COA8: variants seen among roughly 807,000 people sequenced by gnomAD.
The protein encoded by COA8 is UPF0671 protein C14orf153.
A neutral mutation model predicts 22.0 loss-of-function variants in COA8; 20 were observed. That is an observed-to-expected ratio of 0.91 (90% CI 0.64 to 1.32). COA8 has a LOEUF of 1.32. Among genes scored for constraint, COA8 ranks in the 40% most tolerant of loss-of-function variants. The probability of loss-of-function intolerance (pLI) is 0.00; values close to 1 mark genes in which losing one functional copy is unlikely to be tolerated. For synonymous variants in COA8, 105 were observed against 79.9 expected, an observed-to-expected ratio of 1.31 and a Z score of -1.68; for missense variants, 266 against 230.0, an observed-to-expected ratio of 1.16 and a Z score of -1.01.
chr14:103,574,048 T>C (rs1313358343), intron 2 of COA8, 59 bp from the exon 3 acceptor site: 3 of 1,464,290 alleles, frequency 2.0e-6, no homozygotes, highest in South Asian at 1.3e-5. Context: ...CAAAGAAAAA[T>C]GGAAAGACAG....
chr14:103,577,907 C>G (rs1451045549), intron 3 of COA8, among the ~76,000 whole-genome samples: 1 of 151,684 alleles, frequency 6.6e-6, no homozygotes, highest in Non-Finnish European at 1.5e-5. Context: ...GCCTGTAATC[C>G]CAGCTACTCA....
intron 3 of COA8, among the ~76,000 whole-genome samples, chr14:103,583,088 A>AT (rs1379708570): frequency 6.6e-6 from 1 of 151,454 alleles, no homozygotes; most frequent in South Asian, 2.1e-4. Context: ...CACTTTGGAG[A>AT]TTTTTTTAAT....
At chr14:103,576,295 G>C (rs1416362808) in intron 3 of COA8, among the ~76,000 whole-genome samples, 1 of 151,906 alleles carries the variant, frequency 6.6e-6, no homozygotes, top group South Asian at 2.1e-4. Flanking sequence ...GACAGAGCGA[G>C]ACTCTGTCTC....
At chr14:103,566,037 G>C (rs560929742) in intron 1 of COA8, among the ~76,000 whole-genome samples, 1 of 152,322 alleles carries the variant, frequency 6.6e-6, no homozygotes, top group African/African-American at 2.4e-5. Flanking sequence ...ATTTGAACCT[G>C]AGTTTTCATA....
chr14:103,566,984 C>G (rs746422636), intron 1 of COA8, among the ~76,000 whole-genome samples: 1 of 152,158 alleles, frequency 6.6e-6, no homozygotes, highest in Admixed American at 6.5e-5. Flanking sequence ...CATAGCTCAC[C>G]ACAGCCTCAA....
intron 4 of COA8, among the ~76,000 whole-genome samples, chr14:103,589,419 A>G (rs541434673): frequency 1.3e-5 from 2 of 152,172 alleles, no homozygotes; most frequent in South Asian, 4.2e-4. Flanking sequence ...GGCCCATCAC[A>G]TCCCTAAAAT....
intron 3 of COA8, among the ~76,000 whole-genome samples, chr14:103,585,291 C>T (rs544009274): frequency 6.6e-6 from 1 of 151,828 alleles, no homozygotes; most frequent in African/African-American, 2.4e-5. Context: ...CCAGCCTGAC[C>T]AACATGGAGA....
chr14:103,570,811 G>A (rs1018078654), intron 1 of COA8, among the ~76,000 whole-genome samples: 11 of 152,154 alleles, frequency 7.2e-5, no homozygotes, highest in Non-Finnish European at 1.2e-4. Context: ...GTCTCTCCTC[G>A]CATCTGGGGG....
At position 103,590,480 on chromosome 14, in the gene COA8, C is replaced by T. The variant is rs2076343463; in HGVS notation, c.*194C>T. Reference sequence around the variant, plus strand: ...CCTGCCTGCTGATGTGGGCTCTAGGCCAGCTTGTTGTCACGTACGTGGTGT... The same window carrying T: ...CCTGCCTGCTGATGTGGGCTCTAGGTCAGCTTGTTGTCACGTACGTGGTGT... On this transcript the variant is annotated 3_prime_UTR_variant, in exon 5 of 5. Coordinates refer to ENST00000409074, the MANE Select transcript of COA8 (RefSeq NM_001370595.2). The T allele has an allele frequency of 5.4e-6, 3 of 551,524 alleles. No homozygotes were observed. 34.2% of individuals were successfully genotyped at this position (551,524 alleles called of 1,614,324 possible). A position where few individuals can be genotyped will look rare whatever the true frequency, so the allele number is the denominator to read the frequency against.
At position 103,590,296 on chromosome 14, in the gene COA8, C is replaced by G. The variant is rs757449343; in HGVS notation, c.*10C>G. The G allele has an allele frequency of 1.7e-5, 28 of 1,609,232 alleles. No homozygotes were observed. Among genetic ancestry groups the G allele is most frequent in the Non-Finnish European group, 2.3e-5 (27 of 1,176,630 alleles). On this transcript the variant is annotated 3_prime_UTR_variant, in exon 5 of 5. Coordinates refer to ENST00000409074, the MANE Select transcript of COA8 (RefSeq NM_001370595.2). ...GAAGAGGAGCAACTAGGAGTCCACTCTGACCCAGCCAGAGTCCAGGTTTCC... is the reference window on the plus strand; with the variant it reads ...GAAGAGGAGCAACTAGGAGTCCACTGTGACCCAGCCAGAGTCCAGGTTTCC...
At chr14:103,588,295 AC>A (rs1254830165) in intron 4 of COA8, 15 of 395,838 alleles carry the variant, frequency 3.8e-5, no homozygotes, top group African/African-American at 3.1e-4. Flanking sequence ...TGGGTAGATC[AC>A]TTGAGTCCAG....
intron 4 of COA8, among the ~76,000 whole-genome samples, chr14:103,589,958 C>T (rs2076338339): frequency 6.6e-6 from 1 of 151,570 alleles, no homozygotes; most frequent in Admixed American, 6.6e-5. Flanking sequence ...CCTCCAGAAA[C>T]AGGGCTGGAG....
chr14:103,567,105 G>GTAAT (rs2076140913), intron 1 of COA8, among the ~76,000 whole-genome samples: 1 of 152,114 alleles, frequency 6.6e-6, no homozygotes, highest in Non-Finnish European at 1.5e-5. Flanking sequence ...GGGCGCGGTG[G>GTAAT]CTCGTGCCTG....
chr14:103,565,907 G>T (rs1254037382), intron 1 of COA8, among the ~76,000 whole-genome samples: 1 of 152,018 alleles, frequency 6.6e-6, no homozygotes, highest in Admixed American at 6.6e-5. Context: ...GAGCCACTGT[G>T]CCTGGCCCAA....
At chr14:103,582,227 G>A (rs2076273187) in intron 3 of COA8, among the ~76,000 whole-genome samples, 1 of 152,142 alleles carries the variant, frequency 6.6e-6, no homozygotes, top group South Asian at 2.1e-4. Context: ...TCCTGCACCC[G>A]CCACCCTGGA....
At chr14:103,570,259 A>G (rs1261029780) in intron 1 of COA8, among the ~76,000 whole-genome samples, 1 of 152,122 alleles carries the variant, frequency 6.6e-6, no homozygotes, top group African/African-American at 2.4e-5. Flanking sequence ...TCCTGCCTTT[A>G]CTTTCTAAAA....
intron 1 of COA8, among the ~76,000 whole-genome samples, chr14:103,568,780 C>T (rs895304839): frequency 6.6e-6 from 1 of 151,972 alleles, no homozygotes; most frequent in Non-Finnish European, 1.5e-5. Flanking sequence ...CAGGTGCACA[C>T]CACCACGCCC....
At chr14:103,578,807 G>A (rs1472745869) in intron 3 of COA8, among the ~76,000 whole-genome samples, 1 of 152,216 alleles carries the variant, frequency 6.6e-6, no homozygotes, top group Non-Finnish European at 1.5e-5. Context: ...GGTGGCAGCA[G>A]CTGGTACCCC....
rs1484907077 is a variant in COA8, at chr14:103,590,423, G to A, written c.*137G>A. 5 of 741,912 alleles carry A rather than the reference G, an allele frequency of 6.7e-6. No individual in the cohort carries two copies. The highest frequency in any genetic ancestry group is 3.6e-5 in the African/African-American group (2 of 56,122). The allele number at this position is 741,912 out of a possible 1,614,324, so 46.0% of individuals were successfully genotyped here. A position where few individuals can be genotyped will look rare whatever the true frequency, so the allele number is the denominator to read the frequency against. ...CTAAGGGGCCCCATGGCCTGTTTGG[G>A]GGCAGGGTAGGTCCTGGGGCACTGT... On this transcript the variant is annotated 3_prime_UTR_variant, in exon 5 of 5. Coordinates refer to ENST00000409074, the MANE Select transcript of COA8 (RefSeq NM_001370595.2).
Sources: gnomAD v4.1 joint callset for allele counts (sites outside exome capture counted in the v4.1 genomes callset) on GRCh38, gnomAD v4.1.1 for gene constraint, MANE v1.5 for transcripts, NCBI Gene and HGNC (gene_info 2026-07-23, HGNC 2026-07-21) for gene names.